Variants in FAM107B observed in about 807,000 individuals in gnomAD.
FAM107B encodes protein FAM107B.
Under a neutral mutation model 31.5 loss-of-function variants are expected in FAM107B, and 21 were observed. That is an observed-to-expected ratio of 0.67 (90% CI 0.47 to 0.96). The LOEUF is 0.96. Ranked by LOEUF, FAM107B falls within the 40% of genes least tolerant of loss-of-function variation. The pLI is 0.00. For synonymous variants in FAM107B, 157 were observed against 141.5 expected (o/e 1.11, Z -0.78); for missense variants, 452 against 377.1 (o/e 1.20, Z -1.64).
chr10:14,663,485 G>C (rs1389170581), intron 2 of FAM107B: 1 of 152,194 alleles, frequency 6.6e-6, no homozygotes, highest in Admixed American at 6.5e-5. Flanking sequence ...AGGGTGGTAT[G>C]GTCGTAGACG....
At chr10:14,563,593 A>G (rs1850421755) in intron 2 of FAM107B, among the ~76,000 whole-genome samples, 1 of 152,248 alleles carries the variant, frequency 6.6e-6, no homozygotes, top group South Asian at 2.1e-4. Flanking sequence ...AGAGTAGGAA[A>G]GATCATTGCT....
At chr10:14,615,453 G>A (rs1270306583) in intron 2 of FAM107B, among the ~76,000 whole-genome samples, 2 of 152,204 alleles carry the variant, frequency 1.3e-5, no homozygotes, top group African/African-American at 4.8e-5. Flanking sequence ...TTGCTGAAGT[G>A]AACTCTACTC....
chr10:14,614,816 G>A (rs994803649), intron 2 of FAM107B, among the ~76,000 whole-genome samples: 2 of 152,028 alleles, frequency 1.3e-5, no homozygotes, highest in African/African-American at 4.8e-5. Flanking sequence ...GCACCTTTGT[G>A]AAACGCTGCT....
intron 2 of FAM107B, among the ~76,000 whole-genome samples, chr10:14,578,206 T>C (rs1240619492): frequency 6.6e-6 from 1 of 152,168 alleles, no homozygotes; most frequent in African/African-American, 2.4e-5. Context: ...CCAGCCTCCC[T>C]AATGACAGGA....
intron 2 of FAM107B, among the ~76,000 whole-genome samples, chr10:14,664,264 T>C (rs1424930636): frequency 6.6e-6 from 1 of 152,256 alleles, no homozygotes; most frequent in Non-Finnish European, 1.5e-5. Context: ...ACTTACATTT[T>C]ACTATTTAAA....
chr10:14,739,670 A>AAAGG lies in FAM107B; in HGVS notation c.411+34582_411+34583insCCTT, dbSNP rs1856391731. On this transcript the variant is annotated intron_variant, in intron 1 of 4. Transcript: ENST00000181796. The stretch of plus-strand genomic sequence containing the variant: ...ATAAAGGGAAAATATTTCATTTCCC[A>AAAGG]GACCACAAGAATTGTTTTAGGGATA... Among the ~76,000 whole-genome samples the AAAGG allele has an allele frequency of 4.6e-5, 7 of 152,260 alleles. No homozygotes were observed. The South Asian group carries it at 1.2e-3, about 27-fold the overall frequency.
chr10:14,608,636 C>T (rs1282763778), intron 2 of FAM107B, among the ~76,000 whole-genome samples: 1 of 152,210 alleles, frequency 6.6e-6, no homozygotes, highest in East Asian at 1.9e-4. Flanking sequence ...AGGACTTCCT[C>T]ACACAACAGC....
At chr10:14,717,743 G>A (rs1290565348) in intron 1 of FAM107B, among the ~76,000 whole-genome samples, 1 of 90,094 alleles carries the variant, frequency 1.1e-5, no homozygotes, top group African/African-American at 6.0e-5. Flanking sequence ...GTCTCCTCTG[G>A]CAACCCCCTC....
chr10:14,650,575 C>T (rs9630135), intron 2 of FAM107B, among the ~76,000 whole-genome samples: 14,681 of 152,178 alleles, frequency 0.096, 868 homozygotes, highest in South Asian at 0.17. Flanking sequence ...CATGAGCCAC[C>T]GCGCCCGGCC....
At chr10:14,678,986 A>G (rs1854759570) in intron 1 of FAM107B, among the ~76,000 whole-genome samples, 2 of 152,232 alleles carry the variant, frequency 1.3e-5, no homozygotes, top group Admixed American at 1.3e-4. Context: ...GTGAGCAGAG[A>G]GGGAAGCAGA....
At chr10:14,725,821 C>CTTTTTTTTTTT (rs759788163) in intron 1 of FAM107B, among the ~76,000 whole-genome samples, 2 of 94,306 alleles carry the variant, frequency 2.1e-5, no homozygotes, top group Non-Finnish European at 3.9e-5. Context: ...CAGTCAAATC[C>CTTTTTTTTTTT]TTTTTTTTTT....
rs554854318 is a variant in FAM107B at position 14,599,314 on chromosome 10, G to C, written c.469+68320C>G. On this transcript the variant is annotated intron_variant, in intron 2 of 4. Coordinates refer to ENST00000181796, the MANE Select transcript of FAM107B (RefSeq NM_031453.4). Reference sequence around the variant, plus strand: ...AGGAAGAGGCCTGCTGAGCAGCCCAGAGGGTCCCCTGCCCTCTCACAGCCT... The same window carrying C: ...AGGAAGAGGCCTGCTGAGCAGCCCACAGGGTCCCCTGCCCTCTCACAGCCT... Among the ~76,000 whole-genome samples, 16 of 152,294 alleles carry C rather than the reference G, an allele frequency of 1.1e-4. 1 individual carries two copies. The highest frequency in any genetic ancestry group is 2.2e-4 in the African/African-American group (9 of 41,554).
rs1853316661 is a variant in FAM107B at position 14,630,148 on chromosome 10, T to C, written c.469+37486A>G. Among the ~76,000 whole-genome samples the C allele has an allele frequency of 2.0e-5, 3 of 152,240 alleles. No individual in the cohort carries two copies. The South Asian group carries it at 6.2e-4, about 32-fold the overall frequency. On this transcript the variant is annotated intron_variant, in intron 2 of 4. Coordinates refer to ENST00000181796, the MANE Select transcript of FAM107B (RefSeq NM_031453.4). Reference sequence around the variant, plus strand: ...ATCTCGGGGCAAGAATCAAGACTTTTAAGAAAACATGCAAAATGTATTTCT... The same window carrying C: ...ATCTCGGGGCAAGAATCAAGACTTTCAAGAAAACATGCAAAATGTATTTCT...
At chr10:14,707,856 T>C (rs1278727635) in intron 1 of FAM107B, among the ~76,000 whole-genome samples, 1 of 152,194 alleles carries the variant, frequency 6.6e-6, no homozygotes, top group East Asian at 1.9e-4. Context: ...CATGAATCTT[T>C]CAATGAATCC....
At chr10:14,648,342 A>G (rs1254490735) in intron 2 of FAM107B, among the ~76,000 whole-genome samples, 1 of 152,224 alleles carries the variant, frequency 6.6e-6, no homozygotes, top group African/African-American at 2.4e-5. Context: ...AGCATGAACG[A>G]GGGGAAACAA....
intron 2 of FAM107B, among the ~76,000 whole-genome samples, chr10:14,665,876 T>C (rs570638236): frequency 2.0e-5 from 3 of 152,204 alleles, no homozygotes; most frequent in Non-Finnish European, 4.4e-5. Context: ...CGAACATAAT[T>C]TGTTGTCTTG....
At chr10:14,528,429 G>A (rs536752794) in intron 3 of FAM107B, among the ~76,000 whole-genome samples, 2 of 152,108 alleles carry the variant, frequency 1.3e-5, no homozygotes, top group African/African-American at 2.4e-5. Flanking sequence ...GGATCCACCT[G>A]CCTTGGCTTC....
chr10:14,550,352 G>A (rs1480096042), intron 2 of FAM107B, among the ~76,000 whole-genome samples: 1 of 152,190 alleles, frequency 6.6e-6, no homozygotes, highest in African/African-American at 2.4e-5. Context: ...TGAGTCTGCA[G>A]CTCTAGTCCT....
intron 1 of FAM107B, among the ~76,000 whole-genome samples, chr10:14,714,057 T>TA (rs1021694512): frequency 1.3e-5 from 2 of 151,768 alleles, no homozygotes; most frequent in South Asian, 2.1e-4. Flanking sequence ...AAGGTGAGGA[T>TA]AAAAAAAACT....
Sources: gnomAD v4.1 joint callset for allele counts (sites outside exome capture counted in the v4.1 genomes callset) on GRCh38, gnomAD v4.1.1 for gene constraint, MANE v1.5 for transcripts, NCBI Gene and HGNC (gene_info 2026-07-23, HGNC 2026-07-21) for gene names.